HS2ST1: variants seen among roughly 807,000 people sequenced by gnomAD.
HS2ST1 encodes 2-O-sulfotransferase.
Under a neutral mutation model 42.9 loss-of-function variants are expected in HS2ST1, and 18 were observed. The observed-to-expected ratio is 0.42, with a 90% confidence interval of 0.29 to 0.62. The LOEUF is 0.62. HS2ST1 is among the 20% of genes least tolerant of loss of function. The pLI is 0.21. For synonymous variants in HS2ST1, 146 were observed against 152.9 expected (o/e 0.95, Z 0.33); for missense variants, 334 against 433.8 (o/e 0.77, Z 2.04).
chr1:86,991,082 A>G (rs1648938652), intron 1 of HS2ST1, among the ~76,000 whole-genome samples: 1 of 151,556 alleles, frequency 6.6e-6, no homozygotes, highest in Non-Finnish European at 1.5e-5. Context: ...AGCTCCACTG[A>G]GAGAACTTAC....
chr1:86,968,493 C>T (rs1462096210), intron 1 of HS2ST1, among the ~76,000 whole-genome samples: 1 of 151,912 alleles, frequency 6.6e-6, no homozygotes, highest in Admixed American at 6.6e-5. Flanking sequence ...ACAGTTGAAC[C>T]CTCCAGGCTC....
chr1:87,096,964 A>G (rs1032472713), intron 4 of HS2ST1, among the ~76,000 whole-genome samples: 1 of 152,240 alleles, frequency 6.6e-6, no homozygotes, highest in Non-Finnish European at 1.5e-5. Flanking sequence ...CACTTTTTAG[A>G]AAATGGCCTA....
chr1:87,001,320 A>G (rs1444318789), intron 1 of HS2ST1, among the ~76,000 whole-genome samples: 1 of 152,162 alleles, frequency 6.6e-6, no homozygotes, highest in Non-Finnish European at 1.5e-5. Context: ...TGTTAATATT[A>G]TAAGTTTCAA....
At chr1:87,068,359 C>A (rs1393180639) in intron 1 of HS2ST1, among the ~76,000 whole-genome samples, 2 of 151,844 alleles carry the variant, frequency 1.3e-5, no homozygotes, top group Non-Finnish European at 2.9e-5. Context: ...TGATTTGGCT[C>A]TCTATTATTG....
chr1:86,940,936 G>A (rs1660747328), intron 1 of HS2ST1, among the ~76,000 whole-genome samples: 1 of 152,108 alleles, frequency 6.6e-6, no homozygotes, highest in African/African-American at 2.4e-5. Context: ...GCAGTCGGGT[G>A]AGATGGTGCC....
chr1:87,045,859 C>T, intron 1 of HS2ST1: 1 of 712,952 alleles, frequency 1.4e-6, no homozygotes, highest in South Asian at 1.4e-5. Flanking sequence ...GCTAAATGAA[C>T]TCTCAGAGTC....
chr1:87,039,038 A>G (rs1428572974), intron 1 of HS2ST1, among the ~76,000 whole-genome samples: 1 of 152,204 alleles, frequency 6.6e-6, no homozygotes, highest in East Asian at 1.9e-4. Flanking sequence ...CATGAGCCAA[A>G]TGACAACTTT....
At chr1:87,046,047 A>G (rs1196680401) in intron 1 of HS2ST1, 10 of 666,040 alleles carry the variant, frequency 1.5e-5, no homozygotes, top group African/African-American at 1.4e-4. Flanking sequence ...CCTGAAAGCT[A>G]ATATGGTTGC....
intron 1 of HS2ST1, among the ~76,000 whole-genome samples, chr1:86,998,280 C>T (rs1452236361): frequency 6.6e-6 from 1 of 152,190 alleles, no homozygotes; most frequent in Non-Finnish European, 1.5e-5. Flanking sequence ...TGACCAAATA[C>T]ATTCAACATC....
chr1:86,918,538 T>C (rs1012348325), intron 1 of HS2ST1, among the ~76,000 whole-genome samples: 2 of 152,080 alleles, frequency 1.3e-5, no homozygotes, highest in South Asian at 2.1e-4. Context: ...CTTGGTATTA[T>C]AAACAATTAT....
chr1:87,095,098 T>A (rs1267038469), intron 4 of HS2ST1, among the ~76,000 whole-genome samples: 3 of 152,184 alleles, frequency 2.0e-5, no homozygotes, highest in African/African-American at 7.2e-5. Flanking sequence ...ATGAGTTAAG[T>A]GGTGTTTATT....
At chr1:86,987,986 G>C (rs1358010431) in intron 1 of HS2ST1, among the ~76,000 whole-genome samples, 1 of 152,074 alleles carries the variant, frequency 6.6e-6, no homozygotes, top group African/African-American at 2.4e-5. Context: ...ATATGTCCAG[G>C]ATGAGAGAGA....
chr1:87,042,846 A>G (rs1355990885), intron 1 of HS2ST1, among the ~76,000 whole-genome samples: 2 of 152,166 alleles, frequency 1.3e-5, no homozygotes, highest in East Asian at 3.8e-4. Context: ...TGTAAAAAGT[A>G]TAAGACTCAT....
At position 87,105,561 on chromosome 1, in the gene HS2ST1, A is replaced by T. The variant is rs1557548021; in HGVS notation, c.*865A>T. The stretch of plus-strand genomic sequence containing the variant: ...GCTGTGGTATGGGTAGGATTTTCCT[A>T]CTTCTTCTGTACTTTTACCTGTAGA... On this transcript the variant is annotated 3_prime_UTR_variant, in exon 7 of 7. Transcript: ENST00000370550. 6.6e-6 allele frequency: 1 copy of T among 152,438 alleles called. No individual in the cohort carries two copies. The allele number at this position is 152,438 out of a possible 1,614,324, so 9.4% of individuals were successfully genotyped here.
At chr1:87,070,063 T>C (rs1188701893) in intron 1 of HS2ST1, among the ~76,000 whole-genome samples, 2 of 152,296 alleles carry the variant, frequency 1.3e-5, no homozygotes, top group East Asian at 3.9e-4. Flanking sequence ...TGTAAGTGAA[T>C]CTTTTTTTTT....
At chr1:87,082,787 G>T (rs1413273562) in intron 2 of HS2ST1, among the ~76,000 whole-genome samples, 1 of 152,148 alleles carries the variant, frequency 6.6e-6, no homozygotes, top group African/African-American at 2.4e-5. Context: ...CTTAGTTGAA[G>T]AATTGGAAAG....
At chr1:87,058,279 A>C (rs185087130) in intron 1 of HS2ST1, among the ~76,000 whole-genome samples, 2 of 151,592 alleles carry the variant, frequency 1.3e-5, no homozygotes, top group East Asian at 3.9e-4. Flanking sequence ...TTTACTTTGC[A>C]CTACTAATTA....
chr1:86,974,431 A>G (rs1648329577), intron 1 of HS2ST1, among the ~76,000 whole-genome samples: 1 of 152,092 alleles, frequency 6.6e-6, no homozygotes. Context: ...GCTGTTTCTG[A>G]GTTGCATTCA....
intron 1 of HS2ST1, among the ~76,000 whole-genome samples, chr1:87,065,989 A>G (rs1323328077): frequency 1.3e-5 from 2 of 152,166 alleles, no homozygotes; most frequent in Non-Finnish European, 2.9e-5. Context: ...CTCTCGTCCT[A>G]AAATGTTACC....
Sources: allele counts gnomAD v4.1 joint callset (sites outside exome capture counted in the v4.1 genomes callset), GRCh38; gene constraint gnomAD v4.1.1; transcripts MANE v1.5; gene names NCBI Gene and HGNC (gene_info 2026-07-23, HGNC 2026-07-21).